Variants in CRIM1 observed in about 807,000 individuals in gnomAD.
The protein encoded by CRIM1 is cysteine-rich motor neuron 1 protein.
A neutral mutation model predicts 116.4 loss-of-function variants in CRIM1; 32 were observed. The observed-to-expected ratio is 0.27, with a 90% CI of 0.21 to 0.37. The LOEUF (loss-of-function observed/expected upper bound fraction) is 0.37, where lower values mean the gene tolerates loss of function less well. Ranked by LOEUF, CRIM1 falls within the 10% of genes least tolerant of loss-of-function variation. CRIM1 has a pLI of 1.00. For missense variants in CRIM1, 1,331 were observed against 1,354.8 expected, an observed-to-expected ratio of 0.98 and a Z score of 0.28; for synonymous variants, 590 against 509.2, an observed-to-expected ratio of 1.16 and a Z score of -2.13.
At chr2:36,362,124 CAGCAA>C (rs1343593893) in intron 1 of CRIM1, among the ~76,000 whole-genome samples, 4 of 152,072 alleles carry the variant, frequency 2.6e-5, no homozygotes, top group Non-Finnish European at 5.9e-5. Context: ...GAAATAAAGA[CAGCAA>C]GACTGCAAAA....
intron 1 of CRIM1, among the ~76,000 whole-genome samples, chr2:36,370,933 A>T (rs570808866): frequency 1.3e-5 from 2 of 152,326 alleles, no homozygotes; most frequent in African/African-American, 4.8e-5. Context: ...TTAGACCCCT[A>T]AATTAAAGAC....
intron 2 of CRIM1, among the ~76,000 whole-genome samples, chr2:36,404,370 G>C (rs1672632342): frequency 6.6e-6 from 1 of 152,194 alleles, no homozygotes; most frequent in Non-Finnish European, 1.5e-5. Context: ...CTAGTTCAGA[G>C]TAGAAGCACT....
chr2:36,415,338 A>G (rs551700281), intron 2 of CRIM1, among the ~76,000 whole-genome samples: 2 of 152,286 alleles, frequency 1.3e-5, no homozygotes, highest in East Asian at 1.9e-4. Flanking sequence ...TTGGAAATCA[A>G]GTCATTAGAG....
chr2:36,477,847 G>C (rs988987980), intron 6 of CRIM1, among the ~76,000 whole-genome samples: 2 of 152,216 alleles, frequency 1.3e-5, no homozygotes, highest in African/African-American at 4.8e-5. Flanking sequence ...GAAGAGAAAA[G>C]TCACTTGCCT....
In CRIM1 at chr2:36,388,671, G is replaced by A. The variant is rs114346890; in HGVS notation, c.332-7943G>A. Among the ~76,000 whole-genome samples the A allele has an allele frequency of 5.0e-3, 767 of 152,216 alleles. 2 individuals are homozygous for A. The highest frequency in any genetic ancestry group is 8.0e-3 in the Non-Finnish European group (547 of 68,000). ...CCATCCCCCTCTGGGCTGTTTCTTCGTATGCAGTTTAAGATGGCCCCTAGG... is the reference window on the plus strand; with the variant it reads ...CCATCCCCCTCTGGGCTGTTTCTTCATATGCAGTTTAAGATGGCCCCTAGG... On this transcript the variant is annotated intron_variant, in intron 1 of 16. Coordinates refer to ENST00000280527, the MANE Select transcript of CRIM1 (RefSeq NM_016441.3).
intron 7 of CRIM1, among the ~76,000 whole-genome samples, chr2:36,483,581 C>T (rs922851944): frequency 2.6e-5 from 4 of 152,198 alleles, no homozygotes; most frequent in Non-Finnish European, 5.9e-5. Flanking sequence ...GGACCAGACC[C>T]TGGACCCTGA....
Position 36,544,581 on chromosome 2 carries a change from G to GTAAC in CRIM1, c.2746+85_2746+88dup, listed in dbSNP as rs905639092. Reference sequence around the variant, plus strand: ...TTCTAATTTTTAAAATTTCCTATGAGTAACTTTTAAAATGACTTGCTGAAG... The same window carrying GTAAC: ...TTCTAATTTTTAAAATTTCCTATGAGTAACTAACTTTTAAAATGACTTGCTGAAG... On this transcript the variant is annotated intron_variant, in intron 15 of 16. Coordinates refer to ENST00000280527, the MANE Select transcript of CRIM1 (RefSeq NM_016441.3). 3.1e-6 allele frequency: 4 copies of GTAAC among 1,276,494 alleles called. No individual in the cohort carries two copies. In the Admixed American group the frequency reaches 9.4e-5, roughly 30 times the overall value. The allele number at this position is 1,276,494 out of a possible 1,614,324, so 79.1% of individuals were successfully genotyped here. A position where few individuals can be genotyped will look rare whatever the true frequency, so the allele number is the denominator to read the frequency against.
intron 5 of CRIM1, among the ~76,000 whole-genome samples, chr2:36,471,888 G>C (rs1163715359): frequency 2.0e-5 from 3 of 152,156 alleles, no homozygotes; most frequent in Non-Finnish European, 2.9e-5. Context: ...GCACTGGGAA[G>C]CCAAAAAGTT....
chr2:36,479,741 G>A (rs370506616), intron 7 of CRIM1, 47 bp downstream of exon 7: 1 of 1,559,214 alleles, frequency 6.4e-7, no homozygotes, highest in African/African-American at 1.4e-5. Flanking sequence ...GTCTTCTGTT[G>A]GAGAAGCTTC....
intron 13 of CRIM1, among the ~76,000 whole-genome samples, chr2:36,529,721 G>C (rs1410015984): frequency 6.6e-6 from 1 of 152,194 alleles, no homozygotes; most frequent in Non-Finnish European, 1.5e-5. Context: ...AGCCAAAAGT[G>C]ACTGTGTTTA....
At chr2:36,393,418 TAG>T (rs1298140400) in intron 1 of CRIM1, among the ~76,000 whole-genome samples, 1 of 152,032 alleles carries the variant, frequency 6.6e-6, no homozygotes, top group South Asian at 2.1e-4. Flanking sequence ...ATTTTTTAAT[TAG>T]ACACTTTTTT....
chr2:36,421,299 A>G (rs1252781632), intron 2 of CRIM1, among the ~76,000 whole-genome samples: 1 of 152,222 alleles, frequency 6.6e-6, no homozygotes, highest in East Asian at 1.9e-4. Flanking sequence ...AAATGATGTC[A>G]TGAAACAAAA....
At chr2:36,493,322 C>T (rs1680360135) in intron 7 of CRIM1, among the ~76,000 whole-genome samples, 1 of 151,848 alleles carries the variant, frequency 6.6e-6, no homozygotes. Flanking sequence ...AGAGGTTTTT[C>T]CAGAAAGACT....
At chr2:36,527,293 A>G (rs1448754260) in intron 13 of CRIM1, among the ~76,000 whole-genome samples, 1 of 152,142 alleles carries the variant, frequency 6.6e-6, no homozygotes, top group Non-Finnish European at 1.5e-5. Flanking sequence ...TAAGTGTCAT[A>G]TATCTTTAAG....
chr2:36,516,542 A>G (rs924322732), intron 11 of CRIM1, among the ~76,000 whole-genome samples: 2 of 152,218 alleles, frequency 1.3e-5, no homozygotes, highest in African/African-American at 4.8e-5. Context: ...CTGGGGAAAG[A>G]AATGATAGTT....
At chr2:36,412,979 A>G (rs1422027981) in intron 2 of CRIM1, among the ~76,000 whole-genome samples, 1 of 152,208 alleles carries the variant, frequency 6.6e-6, no homozygotes, top group Non-Finnish European at 1.5e-5. Flanking sequence ...GAATATCCCC[A>G]GGAAAAAGGT....
At chr2:36,514,339 A>C (rs1664898533) in intron 11 of CRIM1, among the ~76,000 whole-genome samples, 1 of 152,216 alleles carries the variant, frequency 6.6e-6, no homozygotes, top group Admixed American at 6.5e-5. Context: ...ACCAGAACAG[A>C]TTTGTAATTC....
At chr2:36,515,087 T>C (rs1269941817) in intron 11 of CRIM1, among the ~76,000 whole-genome samples, 2 of 152,230 alleles carry the variant, frequency 1.3e-5, no homozygotes, top group Non-Finnish European at 2.9e-5. Flanking sequence ...TAGAACTCTG[T>C]GTTGACTCTT....
intron 2 of CRIM1, among the ~76,000 whole-genome samples, chr2:36,409,963 G>A (rs1170727057): frequency 6.6e-6 from 1 of 152,188 alleles, no homozygotes; most frequent in Non-Finnish European, 1.5e-5. Flanking sequence ...TACGCTCTAA[G>A]ATAAGAATAA....
Sources: allele counts gnomAD v4.1 joint callset (sites outside exome capture counted in the v4.1 genomes callset), GRCh38; gene constraint gnomAD v4.1.1; transcripts MANE v1.5; gene names NCBI Gene and HGNC (gene_info 2026-07-23, HGNC 2026-07-21).